The following UBE2Q2 variants were observed in gnomAD, a reference collection of about 807,000 sequenced individuals.
UBE2Q2 encodes the protein ubiquitin-conjugating enzyme E2 Q2.
UBE2Q2 carries 54 observed loss-of-function variants against 59.9 expected under a neutral mutation model. That is an observed-to-expected ratio of 0.90 (90% CI 0.72 to 1.13). UBE2Q2 has a LOEUF of 1.13. Ranked by LOEUF, UBE2Q2 falls within the 50% of genes most tolerant of loss-of-function variation. UBE2Q2 has a pLI of 0.00. For synonymous variants in UBE2Q2, 165 were observed against 155.2 expected (o/e 1.06, Z -0.47); for missense variants, 433 against 441.9 (o/e 0.98, Z 0.18).
chr15:75,855,439 C>T (rs1035118235), intron 2 of UBE2Q2, among the ~76,000 whole-genome samples: 1 of 150,552 alleles, frequency 6.6e-6, no homozygotes, highest in Non-Finnish European at 1.5e-5. Context: ...TGTGGTGAGC[C>T]GAGATCACGC....
chr15:75,850,042 A>C (rs116596321), intron 1 of UBE2Q2, among the ~76,000 whole-genome samples: 2 of 152,224 alleles, frequency 1.3e-5, no homozygotes, highest in African/African-American at 2.4e-5. Flanking sequence ...ATATTAATAC[A>C]TAGGTTTAAA....
chr15:75,877,254 A>G (rs944592833), intron 6 of UBE2Q2, among the ~76,000 whole-genome samples: 2 of 151,646 alleles, frequency 1.3e-5, no homozygotes, highest in Non-Finnish European at 2.9e-5. Context: ...ATCAAAATTA[A>G]TTAGAATTTG....
chr15:75,848,187 A>G (rs1194897280), intron 1 of UBE2Q2, among the ~76,000 whole-genome samples: 1 of 152,252 alleles, frequency 6.6e-6, no homozygotes, highest in African/African-American at 2.4e-5. Context: ...TTCTACAAAT[A>G]TAAAAGCGAT....
At chr15:75,865,415 C>T (rs1359270205) in intron 3 of UBE2Q2, among the ~76,000 whole-genome samples, 1 of 152,144 alleles carries the variant, frequency 6.6e-6, no homozygotes, top group South Asian at 2.1e-4. Flanking sequence ...ACCATTTATC[C>T]CCTTGACTGG....
chr15:75,847,657 GT>G (rs1345163029), intron 1 of UBE2Q2, among the ~76,000 whole-genome samples: 1 of 152,086 alleles, frequency 6.6e-6, no homozygotes, highest in Admixed American at 6.5e-5. Flanking sequence ...AAAGCAGCTT[GT>G]TTTAAGCAGC....
rs145878680 is a variant in UBE2Q2, at chr15:75,883,406, T to C, written c.866T>C (p.Leu289Ser). 6.2e-7 allele frequency: 1 copy of C among 1,613,034 alleles called. No individual in the cohort carries two copies. Among genetic ancestry groups the C allele is most frequent in the African/African-American group, 1.3e-5 (1 of 74,990 alleles). ...PFDPPFVRVV[L>S]PVLSGGYVLG... is the part of the protein sequence containing the mutation. ...GATCCTCCATTTGTTCGAGTGGTGTTACCTGTTCTCTCAGGAGGGTAAGTT... is the reference window on the plus strand; with the variant it reads ...GATCCTCCATTTGTTCGAGTGGTGTCACCTGTTCTCTCAGGAGGGTAAGTT... Residue 289 changes from leucine to serine, a missense_variant, in exon 9 of 13, where the codon TTA becomes TCA. Physicochemically the swap from Leu to Ser is moderately radical, Grantham distance 145 (BLOSUM62 -2). Transcript: ENST00000267938.
At position 75,876,193 on chromosome 15, in the gene UBE2Q2, G is replaced by A. The variant is rs777758016; in HGVS notation, c.595G>A (p.Val199Met). 139 of 1,613,846 alleles carry A rather than the reference G, an allele frequency of 8.6e-5. No homozygotes were observed. Among genetic ancestry groups the A allele is most frequent in the Non-Finnish European group, 1.1e-4 (127 of 1,179,952 alleles). ...TQRQDHLNGA[V>M]SGSVQASDRL... ...AGTGGCTTTTGTGTTTCAGGGTGCA[G>A]TGTCTGGGTCAGTGCAAGCTTCAGA... The change falls in exon 6 of 13, where the codon GTG becomes ATG. Residue 199 changes from valine to methionine, a missense_variant. Transcript: ENST00000267938.
intron 2 of UBE2Q2, 86 bp downstream of exon 2, chr15:75,854,573 A>G (rs1312409990): frequency 1.3e-6 from 1 of 789,348 alleles, no homozygotes; most frequent in East Asian, 2.9e-5. Context: ...ATGATATAAA[A>G]GCATGATTAA....
At chr15:75,875,854 G>A (rs1251580742) in intron 5 of UBE2Q2, among the ~76,000 whole-genome samples, 1 of 151,862 alleles carries the variant, frequency 6.6e-6, no homozygotes, top group Non-Finnish European at 1.5e-5. Flanking sequence ...GAGGTCAAGA[G>A]ATTGAGACCA....
intron 8 of UBE2Q2, among the ~76,000 whole-genome samples, chr15:75,879,979 C>T (rs931905216): frequency 6.6e-6 from 1 of 152,106 alleles, no homozygotes; most frequent in African/African-American, 2.4e-5. Flanking sequence ...TTCTTGGATA[C>T]TGGCTGGAAT....
At chr15:75,881,504 G>C (rs534535295) in intron 8 of UBE2Q2, among the ~76,000 whole-genome samples, 2 of 152,302 alleles carry the variant, frequency 1.3e-5, no homozygotes, top group East Asian at 1.9e-4. Flanking sequence ...TGGGGTTGGA[G>C]TATTTCTTGA....
chr15:75,877,159 CAAAAAAAAAAA>C (rs59289858), intron 6 of UBE2Q2, among the ~76,000 whole-genome samples: 34 of 67,686 alleles, frequency 5.0e-4, no homozygotes, highest in Non-Finnish European at 7.4e-4. Context: ...GAGACTCTGT[CAAAAAAAAAAA>C]AAAAAAAAAA....
At chr15:75,899,363 ACATGC>A (rs1899628529) in intron 12 of UBE2Q2, 59 bp from the exon 13 acceptor site, 11 of 1,235,162 alleles carry the variant, frequency 8.9e-6, no homozygotes, top group Non-Finnish European at 1.2e-5. Context: ...TAACCTTATT[ACATGC>A]CAGTTCTTCT....
chr15:75,899,812 G>C lies in UBE2Q2; in HGVS notation c.*354G>C, dbSNP rs984800171. 144 of 164,596 alleles carry C rather than the reference G, an allele frequency of 8.7e-4. No individual in the cohort carries two copies. Among genetic ancestry groups the C allele is most frequent in the African/African-American group, 3.3e-3 (137 of 41,900 alleles). The allele number at this position is 164,596 out of a possible 1,614,324, so 10.2% of individuals were successfully genotyped here. On this transcript the variant is annotated 3_prime_UTR_variant, in exon 13 of 13. Coordinates refer to ENST00000267938, the MANE Select transcript of UBE2Q2 (RefSeq NM_173469.4). Reference sequence around the variant, plus strand: ...GTAACTTTCCTATATTGAGCCCATGGGTTACAAGGATTTGCAATATATTGT... The same window carrying C: ...GTAACTTTCCTATATTGAGCCCATGCGTTACAAGGATTTGCAATATATTGT...
intron 3 of UBE2Q2, among the ~76,000 whole-genome samples, chr15:75,862,040 G>A (rs988007733): frequency 1.1e-4 from 17 of 152,216 alleles, no homozygotes; most frequent in Admixed American, 1.1e-3. Flanking sequence ...CAAGAGGATA[G>A]TCAGTTCCTA....
chr15:75,865,887 T>C (rs1055161817), intron 3 of UBE2Q2, among the ~76,000 whole-genome samples: 1 of 152,158 alleles, frequency 6.6e-6, no homozygotes, highest in Non-Finnish European at 1.5e-5. Flanking sequence ...TGTTATTTGT[T>C]CAACAAATAT....
chr15:75,892,510 A>G (rs1899156626), intron 11 of UBE2Q2, among the ~76,000 whole-genome samples: 1 of 152,212 alleles, frequency 6.6e-6, no homozygotes, highest in Non-Finnish European at 1.5e-5. Context: ...CAGCAAGACC[A>G]CCAGGAATGA....
rs1899026746 is a variant in UBE2Q2 at position 75,890,361 on chromosome 15, G to C, written c.885-74G>C. The C allele has an allele frequency of 2.6e-6, 3 of 1,157,552 alleles. No individual in the cohort carries two copies. In the African/African-American group the frequency reaches 4.7e-5, roughly 18 times the overall value. 71.7% of individuals were successfully genotyped at this position (1,157,552 alleles called of 1,614,324 possible). ...CCTTACTTGTGTGCATATTTTCTTGGTAATGGCACTTAGAAATTGTTTAAG... is the reference window on the plus strand; with the variant it reads ...CCTTACTTGTGTGCATATTTTCTTGCTAATGGCACTTAGAAATTGTTTAAG... On this transcript the variant is annotated intron_variant, in intron 9 of 12. Transcript: ENST00000267938.
At chr15:75,846,472 G>GC in intron 1 of UBE2Q2, among the ~76,000 whole-genome samples, 2 of 152,004 alleles carry the variant, frequency 1.3e-5, no homozygotes, top group East Asian at 3.9e-4. Context: ...TCCACCTCAA[G>GC]CTCCCAAAGT....
Sources: allele counts gnomAD v4.1 joint callset (sites outside exome capture counted in the v4.1 genomes callset), GRCh38; gene constraint gnomAD v4.1.1; transcripts MANE v1.5; gene names NCBI Gene and HGNC (gene_info 2026-07-23, HGNC 2026-07-21).